Variants in CCDC102B observed in about 807,000 individuals in gnomAD.
CCDC102B encodes the protein coiled-coil domain containing 102B.
CCDC102B carries 75 observed loss-of-function variants against 57.4 expected under a neutral mutation model. That is an observed-to-expected ratio of 1.31 (90% confidence interval 1.08 to 1.58). The LOEUF (loss-of-function observed/expected upper bound fraction) is 1.58. Ranked by LOEUF, CCDC102B falls within the 40% of genes most tolerant of loss-of-function variation. CCDC102B has a pLI of 0.00. For missense variants in CCDC102B, 636 were observed against 582.6 expected (o/e 1.09, Z -0.94); for synonymous variants, 206 against 201.9 (o/e 1.02, Z -0.17).
intron 3 of CCDC102B, among the ~76,000 whole-genome samples, chr18:68,845,936 A>G (rs1173863359): frequency 1.3e-5 from 2 of 151,784 alleles, no homozygotes; most frequent in Non-Finnish European, 3.0e-5. Context: ...TTCACATAAT[A>G]GCCACAATAT....
At chr18:69,032,222 G>A (rs2052165318) in intron 7 of CCDC102B, among the ~76,000 whole-genome samples, 1 of 152,086 alleles carries the variant, frequency 6.6e-6, no homozygotes, top group African/African-American at 2.4e-5. Flanking sequence ...GCAGACATCT[G>A]TTGTGCATTA....
At chr18:68,834,485 G>A (rs1421613216) in intron 1 of CCDC102B, among the ~76,000 whole-genome samples, 1 of 135,508 alleles carries the variant, frequency 7.4e-6, no homozygotes, top group Non-Finnish European at 1.6e-5. Flanking sequence ...AGTTCCTTTT[G>A]TTCTTTTCTT....
intron 4 of CCDC102B, among the ~76,000 whole-genome samples, chr18:68,849,753 C>G (rs78657404): frequency 1.3e-5 from 2 of 152,110 alleles, no homozygotes; most frequent in African/African-American, 4.8e-5. Context: ...ACTGACAGCA[C>G]GCTTTCCTAC....
intron 6 of CCDC102B, among the ~76,000 whole-genome samples, chr18:68,976,367 G>A (rs1176408346): frequency 1.3e-5 from 2 of 151,868 alleles, no homozygotes; most frequent in Non-Finnish European, 2.9e-5. Context: ...TTTGGAAAGT[G>A]TAGAAAATAT....
chr18:68,929,435 G>A (rs2041591057), intron 6 of CCDC102B, among the ~76,000 whole-genome samples: 1 of 151,846 alleles, frequency 6.6e-6, no homozygotes, highest in Non-Finnish European at 1.5e-5. Context: ...CTTTGCATTC[G>A]TTTTACTGAG....
chr18:68,780,050 A>G (rs1181986346), intron 2 of CCDC102B, among the ~76,000 whole-genome samples: 1 of 152,146 alleles, frequency 6.6e-6, no homozygotes, highest in Non-Finnish European at 1.5e-5. Flanking sequence ...TAGGCAAACA[A>G]TTATCTACTT....
intron 6 of CCDC102B, among the ~76,000 whole-genome samples, chr18:68,972,062 A>C (rs935896919): frequency 6.6e-6 from 1 of 152,140 alleles, no homozygotes; most frequent in African/African-American, 2.4e-5. Flanking sequence ...TACAAAAAGA[A>C]AGTCACTAGA....
intron 5 of CCDC102B, among the ~76,000 whole-genome samples, chr18:68,879,208 A>T (rs1346722953): frequency 6.6e-6 from 1 of 150,710 alleles, no homozygotes; most frequent in South Asian, 2.1e-4. Flanking sequence ...GGAGTTGTTC[A>T]TTCCTCCCGG....
rs1001429202 is a variant in CCDC102B at position 69,010,985 on chromosome 18, G to A, written c.1315G>A (p.Ala439Thr). The change falls in exon 7 of 8, where the codon GCA (alanine) becomes ACA (threonine). Residue 439 changes from alanine (A) to threonine (T), a missense_variant. Ala to Thr is a moderately conservative substitution (Grantham distance 58). Transcript: ENST00000360242. ...CTATAAACTAAACAGACAATACCAG[G>A]CAAATATTGCAGAACTGACTCATGC... ...AYYKLNRQYQANIAELTHANN... is the reference protein window; with the variant it reads ...AYYKLNRQYQTNIAELTHANN... 6.2e-7 allele frequency: 1 copy of A among 1,613,046 alleles called. No individual in the cohort carries two copies. Among genetic ancestry groups the A allele is most frequent in the African/African-American group, 1.3e-5 (1 of 74,864 alleles).
chr18:69,046,583 A>G (rs1322102092), intron 7 of CCDC102B, among the ~76,000 whole-genome samples: 2 of 152,088 alleles, frequency 1.3e-5, no homozygotes, highest in Admixed American at 1.3e-4. Flanking sequence ...GCTGTTCAGA[A>G]GGTCTTTACT....
intron 7 of CCDC102B, among the ~76,000 whole-genome samples, chr18:69,044,522 A>G (rs956803820): frequency 2.0e-5 from 3 of 152,182 alleles, no homozygotes; most frequent in African/African-American, 7.2e-5. Context: ...TTTGAAATGA[A>G]TAACTCTGAG....
intron 7 of CCDC102B, among the ~76,000 whole-genome samples, chr18:69,022,979 T>C (rs1179666026): frequency 6.6e-6 from 1 of 150,904 alleles, no homozygotes; most frequent in African/African-American, 2.4e-5. Flanking sequence ...AAATCCGTGC[T>C]TAGTTAAAAA....
chr18:68,844,828 G>A (rs1435805658), intron 3 of CCDC102B, among the ~76,000 whole-genome samples: 1 of 151,782 alleles, frequency 6.6e-6, no homozygotes, highest in African/African-American at 2.4e-5. Context: ...TCCTCAGCTG[G>A]CTAGGTTTAC....
At position 68,925,271 on chromosome 18, in the gene CCDC102B, C is replaced by T. The variant is rs2041439053; in HGVS notation, c.1263+27843C>T. 2.0e-5 allele frequency among the ~76,000 whole-genome samples: 3 copies of T among 151,992 alleles called. No homozygotes were observed. The South Asian group carries it at 6.2e-4, about 32-fold the overall frequency. On this transcript the variant is annotated intron_variant, in intron 6 of 7. Coordinates refer to ENST00000360242, the MANE Select transcript of CCDC102B (RefSeq NM_024781.3). ...CAGTTGGAGAGATGATTCAGAAATA[C>T]TCAGTCAGATACCACTCCCCAGAGT...
chr18:68,957,312 G>A lies in CCDC102B; in HGVS notation c.1264-53622G>A, dbSNP rs530578595. ...TATTTGGCAATTGATAGGGGGTTTA[G>A]TTTCATTCTTCTGAATATGGATATC... On this transcript the variant is annotated intron_variant, in intron 6 of 7. Transcript: ENST00000360242. Among the ~76,000 whole-genome samples the A allele has an allele frequency of 1.5e-4, 23 of 152,052 alleles. 1 individual carries two copies. The South Asian group carries it at 3.7e-3, about 25-fold the overall frequency.
chr18:69,000,893 C>T lies in CCDC102B; in HGVS notation c.1264-10041C>T, dbSNP rs146539756. ...TACTTCTATTTTGATTTTTTTCATA[C>T]TGTAGGATCTTAATGTCTGGTGAAA... On this transcript the variant is annotated intron_variant, in intron 6 of 7. Coordinates refer to ENST00000360242, the MANE Select transcript of CCDC102B (RefSeq NM_024781.3). Among the ~76,000 whole-genome samples, 4 of 152,154 alleles carry T rather than the reference C, an allele frequency of 2.6e-5. No individual in the cohort carries two copies. The East Asian group carries it at 7.7e-4, about 29-fold the overall frequency.
At chr18:69,007,128 C>G (rs1363496246) in intron 6 of CCDC102B, among the ~76,000 whole-genome samples, 1 of 152,110 alleles carries the variant, frequency 6.6e-6, no homozygotes, top group Non-Finnish European at 1.5e-5. Flanking sequence ...TCACTTTAAA[C>G]TGATTTTATC....
intron 7 of CCDC102B, among the ~76,000 whole-genome samples, chr18:69,052,716 A>G (rs1410559775): frequency 2.0e-5 from 3 of 151,828 alleles, no homozygotes; most frequent in Non-Finnish European, 4.4e-5. Flanking sequence ...GTTGCTATAT[A>G]TCTACCCAGT....
intron 6 of CCDC102B, among the ~76,000 whole-genome samples, chr18:68,932,928 A>G (rs2041724494): frequency 6.6e-6 from 1 of 151,904 alleles, no homozygotes; most frequent in Non-Finnish European, 1.5e-5. Context: ...TCCAGTAGAC[A>G]TCTTGAGAGC....
Sources: gnomAD v4.1 joint callset for allele counts (sites outside exome capture counted in the v4.1 genomes callset) on GRCh38, gnomAD v4.1.1 for gene constraint, MANE v1.5 for transcripts, NCBI Gene and HGNC (gene_info 2026-07-23, HGNC 2026-07-21) for gene names.